The following RABEP1 variants were observed in gnomAD, a reference collection of about 807,000 sequenced individuals.
RABEP1 encodes rabaptin, RAB GTPase binding effector protein 1.
RABEP1 carries 51 observed loss-of-function variants against 123.4 expected under a neutral mutation model. That is an observed-to-expected ratio of 0.41 (90% CI 0.33 to 0.52). RABEP1 has a LOEUF of 0.52. RABEP1 is among the 20% of genes least tolerant of loss of function. The probability of loss-of-function intolerance (pLI) is 0.16; values close to 1 mark genes in which losing one functional copy is unlikely to be tolerated. For missense variants in RABEP1, 888 were observed against 996.3 expected (o/e 0.89, Z 1.46); for synonymous variants, 347 against 355.2 (o/e 0.98, Z 0.26).
intron 5 of RABEP1, among the ~76,000 whole-genome samples, chr17:5,344,628 C>T (rs772440090): frequency 1.1e-4 from 17 of 151,674 alleles, no homozygotes; most frequent in Admixed American, 2.0e-4. Flanking sequence ...AAAAATTAGC[C>T]GGGCGTGGTG....
intron 5 of RABEP1, among the ~76,000 whole-genome samples, chr17:5,344,604 C>T (rs1452380857): frequency 6.6e-6 from 1 of 151,326 alleles, no homozygotes; most frequent in Non-Finnish European, 1.5e-5. Context: ...AACCCGGTCT[C>T]TACTAAAAAT....
At chr17:5,331,730 T>C (rs957298751) in intron 2 of RABEP1, among the ~76,000 whole-genome samples, 1 of 152,180 alleles carries the variant, frequency 6.6e-6, no homozygotes, top group East Asian at 1.9e-4. Context: ...CAGACGGGAA[T>C]GCGTAAATTG....
intron 2 of RABEP1, among the ~76,000 whole-genome samples, chr17:5,312,697 A>C (rs1474760490): frequency 6.6e-6 from 1 of 152,120 alleles, no homozygotes; most frequent in Non-Finnish European, 1.5e-5. Context: ...GACACTGTGG[A>C]GGTTGGGATG....
At chr17:5,333,605 G>T (rs1906771264) in intron 3 of RABEP1, among the ~76,000 whole-genome samples, 2 of 152,156 alleles carry the variant, frequency 1.3e-5, no homozygotes, top group Admixed American at 1.3e-4. Context: ...ATGGCCTAGA[G>T]ATTACTCTAG....
At chr17:5,353,208 CT>C (rs1908717217) in intron 7 of RABEP1, among the ~76,000 whole-genome samples, 1 of 152,176 alleles carries the variant, frequency 6.6e-6, no homozygotes, top group South Asian at 2.1e-4. Context: ...ATGTTTCTGT[CT>C]TTTGTATGTG....
chr17:5,351,545 C>T (rs1165263916), intron 7 of RABEP1, among the ~76,000 whole-genome samples: 1 of 152,064 alleles, frequency 6.6e-6, no homozygotes, highest in Non-Finnish European at 1.5e-5. Context: ...TCTGTAATCC[C>T]AACACTTTGG....
intron 2 of RABEP1, among the ~76,000 whole-genome samples, chr17:5,331,454 T>TA (rs1441892060): frequency 6.6e-6 from 1 of 152,214 alleles, no homozygotes; most frequent in Non-Finnish European, 1.5e-5. Flanking sequence ...TACATCAACT[T>TA]AGTATTTAAA....
intron 2 of RABEP1, among the ~76,000 whole-genome samples, chr17:5,315,337 G>A (rs1404073068): frequency 6.6e-6 from 1 of 152,162 alleles, no homozygotes; most frequent in Admixed American, 6.6e-5. Flanking sequence ...TTAGAAACCA[G>A]TACTGAGTTC....
chr17:5,386,136 A>G lies in RABEP1; in HGVS notation c.*2913A>G. Reference sequence around the variant, plus strand: ...ACCTTTTTATAAATTAGATAATTCTACCTGTTTTACAATATGGGTTTAAGC... The same window carrying G: ...ACCTTTTTATAAATTAGATAATTCTGCCTGTTTTACAATATGGGTTTAAGC... On this transcript the variant is annotated 3_prime_UTR_variant, in exon 18 of 18. Coordinates refer to ENST00000537505, the MANE Select transcript of RABEP1 (RefSeq NM_004703.6). The G allele has an allele frequency of 8.8e-7, 1 of 1,132,018 alleles. No homozygotes were observed. Among genetic ancestry groups the G allele is most frequent in the Non-Finnish European group, 1.3e-6 (1 of 778,098 alleles). 70.1% of individuals were successfully genotyped at this position (1,132,018 alleles called of 1,614,324 possible). A position where few individuals can be genotyped will look rare whatever the true frequency, so the allele number is the denominator to read the frequency against.
In RABEP1 at chr17:5,308,679, G is replaced by GT. The variant is rs558451307; in HGVS notation, c.35-8dup. On this transcript the variant is annotated splice_polypyrimidine_tract_variant and intron_variant, in intron 1 of 17. Transcript: ENST00000537505. ...TAAAAGTTATTACTTGTTAACTAGT[G>GT]TTTTTTTCCCCCAGTTTCTCTTCAG... 42 of 1,600,360 alleles carry GT rather than the reference G, an allele frequency of 2.6e-5. No individual in the cohort carries two copies. In the South Asian group the frequency reaches 3.6e-4, roughly 14 times the overall value.
At position 5,289,598 on chromosome 17, in the gene RABEP1, A is replaced by T. The variant is rs147443064; in HGVS notation, c.34+7078A>T. The stretch of plus-strand genomic sequence containing the variant: ...TTTATTTTTAAATTAGAGAAGTTTA[A>T]TATAAAGAATTATTAACTAAACTGG... On this transcript the variant is annotated intron_variant, in intron 1 of 17. Transcript: ENST00000537505. Among the ~76,000 whole-genome samples, 366 of 152,204 alleles carry T rather than the reference A, an allele frequency of 2.4e-3. 1 individual carries two copies. Among genetic ancestry groups the T allele is most frequent in the Non-Finnish European group, 4.1e-3 (282 of 68,008 alleles).
At chr17:5,363,142 G>T in intron 10 of RABEP1, 126 bp downstream of exon 10, 1 of 683,566 alleles carries the variant, frequency 1.5e-6, no homozygotes, top group East Asian at 2.9e-5. Flanking sequence ...GTTAAGTTAT[G>T]AAATAACCTG....
chr17:5,367,897 G>A (rs1177128487), intron 11 of RABEP1, among the ~76,000 whole-genome samples: 1 of 150,608 alleles, frequency 6.6e-6, no homozygotes, highest in Admixed American at 6.7e-5. Flanking sequence ...CTGGAATACA[G>A]GTGCCCGCCA....
chr17:5,361,277 C>G lies in RABEP1; in HGVS notation c.1165C>G (p.Pro389Ala). The G allele has an allele frequency of 6.2e-7, 1 of 1,614,168 alleles. No homozygotes were observed. Reference sequence around the variant, plus strand: ...AGGCTTGCTGTTGCCATCTGGAGATCCTTTCAGTAAATCGGACAATGACAT... The same window carrying G: ...AGGCTTGCTGTTGCCATCTGGAGATGCTTTCAGTAAATCGGACAATGACAT... ...DAGLLLPSGD[P>A]FSKSDNDMFK... Residue 389 changes from proline to alanine, a missense_variant, in exon 9 of 18, where the codon CCT becomes GCT. By Grantham distance (27) the Pro-to-Ala change is conservative. Transcript: ENST00000537505.
intron 8 of RABEP1, among the ~76,000 whole-genome samples, chr17:5,360,369 T>C (rs1597383608): frequency 2.6e-5 from 4 of 152,352 alleles, no homozygotes; most frequent in Admixed American, 2.6e-4. Context: ...GAGACCATCC[T>C]GGCCAACATG....
intron 1 of RABEP1, among the ~76,000 whole-genome samples, chr17:5,304,547 A>C (rs1597336841): frequency 6.6e-6 from 1 of 151,660 alleles, no homozygotes; most frequent in African/African-American, 2.4e-5. Flanking sequence ...GCGCCACTGC[A>C]CTCCAGCCTG....
chr17:5,380,075 G>A (rs1911324661), intron 15 of RABEP1, among the ~76,000 whole-genome samples: 1 of 152,202 alleles, frequency 6.6e-6, no homozygotes, highest in Admixed American at 6.5e-5. Context: ...GAAGTCCTTT[G>A]TAACTTTTCT....
chr17:5,349,737 A>C (rs1908359345), intron 6 of RABEP1, among the ~76,000 whole-genome samples: 1 of 151,822 alleles, frequency 6.6e-6, no homozygotes, highest in Non-Finnish European at 1.5e-5. Context: ...TTCTTTTGTC[A>C]AATAAATTTG....
intron 8 of RABEP1, among the ~76,000 whole-genome samples, chr17:5,358,610 G>A (rs954964611): frequency 2.1e-4 from 32 of 151,662 alleles, no homozygotes; most frequent in African/African-American, 7.5e-4. Context: ...GACGGAGGCT[G>A]CAATGGGCTG....
Sources: allele counts gnomAD v4.1 joint callset (sites outside exome capture counted in the v4.1 genomes callset), GRCh38; gene constraint gnomAD v4.1.1; transcripts MANE v1.5; gene names NCBI Gene and HGNC (gene_info 2026-07-23, HGNC 2026-07-21).